DPYD: variants seen among roughly 807,000 people sequenced by gnomAD.
The protein encoded by DPYD is dihydropyrimidine dehydrogenase [NADP(+)].
A neutral mutation model predicts 116.2 loss-of-function variants in DPYD; 109 were observed. The ratio of observed to expected loss-of-function variants is 0.94; its 90% CI spans 0.80 to 1.10. The LOEUF (loss-of-function observed/expected upper bound fraction) is 1.10. DPYD is among the 50% of genes least tolerant of loss of function. The pLI is 0.00. For synonymous variants in DPYD, 440 were observed against 432.0 expected (o/e 1.02, Z -0.23); for missense variants, 1,302 against 1,254.5 (o/e 1.04, Z -0.57).
At chr1:97,847,072 A>G (rs1670335019) in intron 2 of DPYD, among the ~76,000 whole-genome samples, 1 of 152,212 alleles carries the variant, frequency 6.6e-6, no homozygotes, top group African/African-American at 2.4e-5. Flanking sequence ...TTTATTTCCA[A>G]CGGATTGCCA....
intron 3 of DPYD, among the ~76,000 whole-genome samples, chr1:97,810,335 C>T (rs1668295379): frequency 6.7e-6 from 1 of 149,612 alleles, no homozygotes; most frequent in African/African-American, 2.5e-5. Flanking sequence ...AAAAAGGGCA[C>T]TTACCCATCT....
At chr1:97,625,574 G>T (rs1228828486) in intron 8 of DPYD, among the ~76,000 whole-genome samples, 2 of 151,996 alleles carry the variant, frequency 1.3e-5, no homozygotes, top group Middle Eastern at 3.4e-3. Flanking sequence ...TTAAAATTAT[G>T]GTCATTAGTT....
At chr1:97,639,677 T>A (rs1255054599) in intron 8 of DPYD, among the ~76,000 whole-genome samples, 1 of 152,158 alleles carries the variant, frequency 6.6e-6, no homozygotes, top group Non-Finnish European at 1.5e-5. Flanking sequence ...AGCTGGGTCC[T>A]TCAGCGTTAT....
rs1262705724 is a variant in DPYD, at chr1:97,721,059, C to T, written c.483+451G>A. 2.8e-5 allele frequency: 36 copies of T among 1,299,220 alleles called. No individual in the cohort carries two copies. The East Asian group carries it at 3.1e-4, about 11-fold the overall frequency. 80.5% of individuals were successfully genotyped at this position (1,299,220 alleles called of 1,614,324 possible). A position where few individuals can be genotyped will look rare whatever the true frequency, so the allele number is the denominator to read the frequency against. Reference sequence around the variant, plus strand: ...TTATTAATGTGGTTAAATAACATTACTTAGTTTCAGGGTTTTTGAAAATTC... The same window carrying T: ...TTATTAATGTGGTTAAATAACATTATTTAGTTTCAGGGTTTTTGAAAATTC... On this transcript the variant is annotated intron_variant, in intron 5 of 22. Transcript: ENST00000370192.
intron 19 of DPYD, among the ~76,000 whole-genome samples, chr1:97,227,279 A>T (rs1661234654): frequency 7.2e-6 from 1 of 138,204 alleles, no homozygotes; most frequent in Non-Finnish European, 1.5e-5. Context: ...GTGAGCCGAG[A>T]TCGTGCCACG....
At chr1:97,483,489 C>T (rs1678438004) in intron 13 of DPYD, among the ~76,000 whole-genome samples, 1 of 152,064 alleles carries the variant, frequency 6.6e-6, no homozygotes, top group African/African-American at 2.4e-5. Context: ...ACGACACTGA[C>T]TCGGTCCTGT....
At position 97,573,760 on chromosome 1, in the gene DPYD, C is replaced by G. The variant is rs1301744487; in HGVS notation, c.1339G>C (p.Val447Leu). 1 of 1,613,396 alleles carries G rather than the reference C, an allele frequency of 6.2e-7. No homozygotes were observed. Among genetic ancestry groups the G allele is most frequent in the East Asian group, 2.2e-5 (1 of 44,856 alleles). ...CACATTTCAGCTCCCAGCACTGTAC[C>G]TTTAGGATCACTCAGAACTGAACCA... Reference protein sequence around the residue: ...AFGSVLSDPKVKEALSPIKFN... With the variant: ...AFGSVLSDPKLKEALSPIKFN... Residue 447 changes from valine to leucine, a missense_variant and splice_region_variant, in exon 11 of 23, where the codon GTA becomes CTA. Physicochemically the swap from Val to Leu is conservative, Grantham distance 32 (BLOSUM62 1). Transcript: ENST00000370192.
intron 11 of DPYD, among the ~76,000 whole-genome samples, chr1:97,560,136 C>A (rs1652037339): frequency 6.6e-6 from 1 of 152,070 alleles, no homozygotes; most frequent in South Asian, 2.1e-4. Flanking sequence ...AAATAAATCA[C>A]AAGGCTGGGT....
intron 18 of DPYD, among the ~76,000 whole-genome samples, chr1:97,301,409 A>T (rs984969729): frequency 4.6e-5 from 7 of 152,016 alleles, no homozygotes; most frequent in Admixed American, 6.6e-5. Flanking sequence ...GGCAAATAAA[A>T]TAATTTAAAA....
chr1:97,257,428 T>C (rs1220303691), intron 18 of DPYD, among the ~76,000 whole-genome samples: 1 of 128,728 alleles, frequency 7.8e-6, no homozygotes, highest in Non-Finnish European at 1.5e-5. Flanking sequence ...AAAGTACATA[T>C]ACATACGTAT....
chr1:97,130,670 TTTCC>T (rs971958601), intron 20 of DPYD, among the ~76,000 whole-genome samples: 6 of 151,896 alleles, frequency 4.0e-5, no homozygotes, highest in Admixed American at 1.3e-4. Flanking sequence ...CCTTTTCTTT[TTTCC>T]TTCCTTCCTT....
At chr1:97,443,558 A>G (rs1257490373) in intron 14 of DPYD, among the ~76,000 whole-genome samples, 1 of 152,184 alleles carries the variant, frequency 6.6e-6, no homozygotes, top group Non-Finnish European at 1.5e-5. Flanking sequence ...TTTCAGAGGG[A>G]ACAAAGGAGA....
rs201258290 is a variant in DPYD, at chr1:97,461,653, G to A, written c.1741-11430C>T. Among the ~76,000 whole-genome samples the A allele has an allele frequency of 1.2e-4, 18 of 152,184 alleles. No homozygotes were observed. The East Asian group carries it at 1.7e-3, about 15-fold the overall frequency. On this transcript the variant is annotated intron_variant, in intron 13 of 22. Coordinates refer to ENST00000370192, the MANE Select transcript of DPYD (RefSeq NM_000110.4). ...CTAAATATAAGATAAGCAGCTATGC[G>A]ATATAATAATTAAAATAATAAAATT...
chr1:97,668,860 A>C (rs1018272003), intron 8 of DPYD, among the ~76,000 whole-genome samples: 16 of 152,294 alleles, frequency 1.1e-4, no homozygotes, highest in African/African-American at 3.4e-4. Context: ...AAAAAAGGAA[A>C]GAATAGAAAC....
chr1:97,559,522 G>A (rs1651986943), intron 11 of DPYD, among the ~76,000 whole-genome samples: 1 of 152,174 alleles, frequency 6.6e-6, no homozygotes, highest in South Asian at 2.1e-4. Flanking sequence ...ATTAGCTGCA[G>A]TATATCTGTG....
At chr1:97,569,414 G>T (rs1260625587) in intron 11 of DPYD, among the ~76,000 whole-genome samples, 4 of 147,840 alleles carry the variant, frequency 2.7e-5, no homozygotes, top group South Asian at 2.1e-4. Flanking sequence ...ATCATATATA[G>T]AAATATATAT....
intron 2 of DPYD, among the ~76,000 whole-genome samples, chr1:97,866,705 G>T (rs1229603899): frequency 6.6e-6 from 1 of 151,936 alleles, no homozygotes; most frequent in Non-Finnish European, 1.5e-5. Context: ...ATGTGGTTAG[G>T]AGTAATAAGG....
At chr1:97,793,230 A>G (rs939925724) in intron 3 of DPYD, among the ~76,000 whole-genome samples, 1 of 152,234 alleles carries the variant, frequency 6.6e-6, no homozygotes, top group Non-Finnish European at 1.5e-5. Flanking sequence ...TACAAAATGG[A>G]AAGTTATACT....
chr1:97,227,331 C>CAAA (rs60992225), intron 19 of DPYD, among the ~76,000 whole-genome samples: 328 of 26,386 alleles, frequency 0.012, 6 homozygotes, highest in African/African-American at 0.018. Flanking sequence ...GACTCTATCT[C>CAAA]AAAAAAAAAA....
Sources: gnomAD v4.1 joint callset for allele counts (sites outside exome capture counted in the v4.1 genomes callset) on GRCh38, gnomAD v4.1.1 for gene constraint, MANE v1.5 for transcripts, NCBI Gene and HGNC (gene_info 2026-07-23, HGNC 2026-07-21) for gene names.